Variants in FOXJ3 observed in about 807,000 individuals in gnomAD.
The protein encoded by FOXJ3 is forkhead box J3, also known as forkhead box protein J3.
Under a neutral mutation model 76.1 loss-of-function variants are expected in FOXJ3, and 22 were observed. The observed-to-expected ratio is 0.29, with a 90% CI of 0.21 to 0.41. FOXJ3 has a LOEUF of 0.41. FOXJ3 is among the 10% of genes least tolerant of loss of function. The pLI is 1.00. For missense variants in FOXJ3, 613 were observed against 762.1 expected (o/e 0.80, Z 2.30); for synonymous variants, 269 against 261.2 (o/e 1.03, Z -0.29).
At chr1:42,259,023 T>C (rs1198152757) in intron 4 of FOXJ3, among the ~76,000 whole-genome samples, 2 of 152,180 alleles carry the variant, frequency 1.3e-5, no homozygotes, top group African/African-American at 4.8e-5. Context: ...TTTCAAATAG[T>C]GATTAAACTC....
intron 1 of FOXJ3, among the ~76,000 whole-genome samples, chr1:42,321,682 C>T (rs552697833): frequency 6.6e-6 from 1 of 152,164 alleles, no homozygotes; most frequent in South Asian, 2.1e-4. Context: ...ATAACATAAA[C>T]GTGGGTTTTT....
At position 42,229,727 on chromosome 1, in the gene FOXJ3, G is replaced by C. The variant is rs192890598; in HGVS notation, c.445-1761C>G. 1.0e-3 allele frequency among the ~76,000 whole-genome samples: 154 copies of C among 152,268 alleles called. No homozygotes were observed. The Middle Eastern group carries it at 0.014, about 13-fold the overall frequency. ...GATGCTACAAAAAGCACTAAAAATG[G>C]GAAAACAATGATTTTGGGAATAGGT... is the stretch of plus-strand genomic sequence containing the variant. On this transcript the variant is annotated intron_variant, in intron 4 of 12. Transcript: ENST00000361346.
intron 4 of FOXJ3, among the ~76,000 whole-genome samples, chr1:42,248,817 G>C (rs945132889): frequency 1.3e-4 from 20 of 148,800 alleles, no homozygotes; most frequent in African/African-American, 4.7e-4. Context: ...GTGTGCCATG[G>C]TGGTTTACTG....
rs118143348 is a variant in FOXJ3, at chr1:42,194,519, C to T, written c.934+371G>A. ...CTCTTTTTGCTAATACCAGTCAGAACAAAAGCAAGGCACATCTATTCTTGT... is the reference window on the plus strand; with the variant it reads ...CTCTTTTTGCTAATACCAGTCAGAATAAAAGCAAGGCACATCTATTCTTGT... On this transcript the variant is annotated intron_variant, in intron 8 of 12. Coordinates refer to ENST00000361346, the MANE Select transcript of FOXJ3 (RefSeq NM_014947.5). 6.6e-4 allele frequency among the ~76,000 whole-genome samples: 101 copies of T among 152,346 alleles called. 3 individuals carry two copies. The East Asian group carries it at 0.019, about 28-fold the overall frequency.
intron 2 of FOXJ3, among the ~76,000 whole-genome samples, chr1:42,304,012 T>G (rs569745794): frequency 6.6e-6 from 1 of 152,264 alleles, no homozygotes; most frequent in Admixed American, 6.5e-5. Context: ...TATGATCTTA[T>G]ATTTGGAAAA....
At chr1:42,231,355 C>A (rs1260202887) in intron 4 of FOXJ3, among the ~76,000 whole-genome samples, 1 of 151,676 alleles carries the variant, frequency 6.6e-6, no homozygotes, top group East Asian at 1.9e-4. Context: ...ACAAAAAAAA[C>A]GAGGGATACT....
intron 1 of FOXJ3, among the ~76,000 whole-genome samples, chr1:42,315,703 A>C (rs1322374973): frequency 6.6e-6 from 1 of 152,330 alleles, no homozygotes; most frequent in South Asian, 2.1e-4. Context: ...TCACAAAAGA[A>C]GGCTAAGGTT....
At chr1:42,281,863 A>T (rs1570148386) in intron 2 of FOXJ3, among the ~76,000 whole-genome samples, 2 of 152,186 alleles carry the variant, frequency 1.3e-5, no homozygotes, top group South Asian at 4.1e-4. Flanking sequence ...GTTTGAGACC[A>T]GTCTGACCAA....
chr1:42,240,826 T>C (rs1339555067), intron 4 of FOXJ3, among the ~76,000 whole-genome samples: 2 of 152,216 alleles, frequency 1.3e-5, no homozygotes, highest in African/African-American at 4.8e-5. Flanking sequence ...ACATCAAAAG[T>C]GCAAGCAACC....
intron 4 of FOXJ3, among the ~76,000 whole-genome samples, chr1:42,254,877 A>G (rs1266593086): frequency 6.6e-6 from 1 of 151,204 alleles, no homozygotes; most frequent in Non-Finnish European, 1.5e-5. Context: ...TGACGAGTTA[A>G]TGGGTGCAGC....
At chr1:42,272,692 A>G (rs1012093561) in intron 3 of FOXJ3, among the ~76,000 whole-genome samples, 5 of 152,226 alleles carry the variant, frequency 3.3e-5, no homozygotes, top group Admixed American at 6.5e-5. Context: ...TGGGCTGGCT[A>G]TCGGCAAGGA....
chr1:42,234,292 C>A (rs899395256), intron 4 of FOXJ3, among the ~76,000 whole-genome samples: 4 of 152,078 alleles, frequency 2.6e-5, no homozygotes, highest in Non-Finnish European at 4.4e-5. Context: ...TTCTAGTTAG[C>A]CATTTGTTTA....
intron 7 of FOXJ3, among the ~76,000 whole-genome samples, chr1:42,195,505 T>G (rs1173466220): frequency 6.6e-6 from 1 of 152,230 alleles, no homozygotes; most frequent in African/African-American, 2.4e-5. Context: ...ATACTGTGAT[T>G]ACTATGAGTC....
chr1:42,220,536 G>A (rs774684157), intron 5 of FOXJ3, among the ~76,000 whole-genome samples: 9 of 152,038 alleles, frequency 5.9e-5, no homozygotes, highest in Admixed American at 3.3e-4. Context: ...CTTTCTCCTC[G>A]AGGGCTTTTT....
At position 42,212,786 on chromosome 1, in the gene FOXJ3, G is replaced by C. The variant is rs375914072; in HGVS notation, c.529-6923C>G. On this transcript the variant is annotated intron_variant, in intron 5 of 12. Transcript: ENST00000361346. The stretch of plus-strand genomic sequence containing the variant: ...AGTCATCAGATTATCTAAAGTCAAA[G>C]TGAAAGAAAGAAGTCTAAGAGCAGT... Among the ~76,000 whole-genome samples, 489 of 152,000 alleles carry C rather than the reference G, an allele frequency of 3.2e-3. 4 individuals carry two copies. The highest frequency in any genetic ancestry group is 0.011 in the African/African-American group (464 of 41,512).
At chr1:42,292,426 G>A (rs1289897266) in intron 2 of FOXJ3, among the ~76,000 whole-genome samples, 3 of 152,106 alleles carry the variant, frequency 2.0e-5, no homozygotes, top group African/African-American at 7.2e-5. Context: ...CCATCAACAG[G>A]AGAATGAATA....
chr1:42,231,198 T>C (rs1569966093), intron 4 of FOXJ3, among the ~76,000 whole-genome samples: 1 of 149,794 alleles, frequency 6.7e-6, no homozygotes, highest in African/African-American at 2.4e-5. Flanking sequence ...TGATGGCAGG[T>C]GCCTGTAGTC....
intron 1 of FOXJ3, among the ~76,000 whole-genome samples, chr1:42,329,245 AT>A (rs1490674394): frequency 1.3e-5 from 2 of 152,206 alleles, no homozygotes; most frequent in African/African-American, 4.8e-5. Context: ...ATTCCAACAG[AT>A]GGCCCACAGT....
At chr1:42,239,000 G>A (rs964621618) in intron 4 of FOXJ3, among the ~76,000 whole-genome samples, 2 of 152,118 alleles carry the variant, frequency 1.3e-5, no homozygotes, top group African/African-American at 4.8e-5. Flanking sequence ...AGTTTTCAGT[G>A]AACAGGTCAA....
Sources: gnomAD v4.1 joint callset for allele counts (sites outside exome capture counted in the v4.1 genomes callset) on GRCh38, gnomAD v4.1.1 for gene constraint, MANE v1.5 for transcripts, NCBI Gene and HGNC (gene_info 2026-07-23, HGNC 2026-07-21) for gene names.